ATP1A2: variants seen among roughly 807,000 people sequenced by gnomAD.
The protein encoded by ATP1A2 is sodium/potassium-transporting ATPase subunit alpha-2.
ATP1A2 carries 56 observed loss-of-function variants against 113.1 expected under a neutral mutation model. The ratio of observed to expected loss-of-function variants is 0.49; its 90% CI spans 0.40 to 0.62. The LOEUF (loss-of-function observed/expected upper bound fraction) is 0.62, where lower values mean the gene tolerates loss of function less well. Among genes scored for constraint, ATP1A2 ranks in the 20% least tolerant of loss-of-function variants. ATP1A2 has a pLI of 0.00. For missense variants in ATP1A2, 712 were observed against 1,357.8 expected (o/e 0.52, Z 7.47); for synonymous variants, 490 against 526.8 (o/e 0.93, Z 0.96).
At chr1:160,120,464 G>C (rs556334743) in intron 1 of ATP1A2, among the ~76,000 whole-genome samples, 1 of 152,186 alleles carries the variant, frequency 6.6e-6, no homozygotes, top group East Asian at 1.9e-4. Context: ...AATTGCCATG[G>C]TGTTGGGCTA....
chr1:160,124,205 T>A (rs1651509552), intron 5 of ATP1A2, 91 bp from the exon 6 acceptor site: 1 of 1,554,192 alleles, frequency 6.4e-7, no homozygotes, highest in African/African-American at 1.4e-5. Context: ...TTATGGGGCT[T>A]CTCCTTCTGC....
chr1:160,139,969 C>T lies in ATP1A2; in HGVS notation c.3019C>T (p.Arg1007Trp), dbSNP rs746795369. 5.0e-6 allele frequency: 8 copies of T among 1,613,938 alleles called. No homozygotes were observed. The highest frequency in any genetic ancestry group is 6.8e-6 in the Non-Finnish European group (8 of 1,180,018). ...TGATGAGGTCCGAAAGCTCATCCTG[C>T]GGCGGTATCCTGGTGGTAAGCCCCT... ...IYDEVRKLILRRYPGGWVEKE... is the reference protein window; with the variant it reads ...IYDEVRKLILWRYPGGWVEKE... Residue 1007 changes from arginine (R) to tryptophan (W), a missense_variant, in exon 22 of 23, where the codon CGG becomes TGG. Around this residue, in one of 6 missense-constraint regions of ATP1A2, gnomAD observed 188 missense variants for 438.9 expected, o/e 0.43. Coordinates refer to ENST00000361216, the MANE Select transcript of ATP1A2 (RefSeq NM_000702.4).
In ATP1A2 at chr1:160,128,686, G is replaced by A. The variant is rs754655141; in HGVS notation, c.1052G>A (p.Arg351Gln). The change falls in exon 9 of 23, where the codon CGG becomes CAG. Residue 351 changes from arginine to glutamine, a missense_variant. Transcript: ENST00000361216. ...ACCCTGACAGCCAAGCGCATGGCAC[G>A]GAAGAACTGCCTGGTGAAGAACCTG... ...CLTLTAKRMA[R>Q]KNCLVKNLEA... 14 of 1,614,152 alleles carry A rather than the reference G, an allele frequency of 8.7e-6. No homozygotes were observed. The highest frequency in any genetic ancestry group is 1.2e-5 in the Non-Finnish European group (14 of 1,180,038).
intron 4 of ATP1A2, 22 bp downstream of exon 4, chr1:160,123,438 G>T (rs142074203): frequency 1.2e-6 from 2 of 1,613,948 alleles, no homozygotes; most frequent in South Asian, 2.2e-5. Flanking sequence ...CGCCCGACCC[G>T]GGAACAGCCC....
intron 10 of ATP1A2, 47 bp from the exon 11 acceptor site, chr1:160,129,219 C>G: frequency 1.2e-6 from 2 of 1,613,928 alleles, no homozygotes; most frequent in Non-Finnish European, 1.7e-6. Flanking sequence ...TGATCCTCCA[C>G]TCCCTTCCCT....
intron 14 of ATP1A2, among the ~76,000 whole-genome samples, chr1:160,134,861 A>G (rs908725594): frequency 1.1e-4 from 17 of 152,228 alleles, no homozygotes; most frequent in African/African-American, 3.9e-4. Flanking sequence ...CCACAAAATT[A>G]GGATGCCATC....
Position 160,135,638 on chromosome 1 carries a change from A to C in ATP1A2, c.2284+36A>C. The C allele has an allele frequency of 4.3e-6, 7 of 1,612,688 alleles. No individual in the cohort carries two copies. Among genetic ancestry groups the C allele is most frequent in the Non-Finnish European group, 5.9e-6 (7 of 1,179,986 alleles). On this transcript the variant is annotated intron_variant, in intron 16 of 22. Transcript: ENST00000361216. This position sits in a 1 kb window ranked among gnomAD's most constrained non-coding sequence, Gnocchi z 6.3. ...TGCATGGGTTGGGATGGTTTGCAGG[A>C]TACTGAAGCCGGCACCTCTGTTCCC...
chr1:160,129,848 G>C (rs1426850968), intron 11 of ATP1A2, among the ~76,000 whole-genome samples: 1 of 152,148 alleles, frequency 6.6e-6, no homozygotes, highest in East Asian at 1.9e-4. Flanking sequence ...TCAGCCCCTA[G>C]CACAGTGCCT....
intron 1 of ATP1A2, 89 bp downstream of exon 1, chr1:160,115,962 G>A (rs1339910752): frequency 1.3e-6 from 2 of 1,542,948 alleles, no homozygotes; most frequent in African/African-American, 2.7e-5. Flanking sequence ...TGTGGAAGGA[G>A]CGGGAGAGAG....
rs1652090221 is a variant in ATP1A2, at chr1:160,140,149, T to C, written c.3034+165T>C. On this transcript the variant is annotated intron_variant, in intron 22 of 22. Transcript: ENST00000361216. ...CCAGGAGCCCTGACTCTTTCGAACC[T>C]GTTGTCTCTGCCCTCTTCCCATCAG... 7.2e-6 allele frequency: 5 copies of C among 698,458 alleles called. No homozygotes were observed. The South Asian group carries it at 8.1e-5, about 11-fold the overall frequency. 43.3% of individuals were successfully genotyped at this position (698,458 alleles called of 1,614,324 possible).
At chr1:160,120,874 C>G (rs764915731) in intron 1 of ATP1A2, 32 bp from the exon 2 acceptor site, 1 of 1,516,994 alleles carries the variant, frequency 6.6e-7, no homozygotes, top group Non-Finnish European at 8.8e-7. Flanking sequence ...CCCTCTCTTC[C>G]CTGACTCTCT....
intron 7 of ATP1A2, among the ~76,000 whole-genome samples, chr1:160,127,119 G>T (rs1033853543): frequency 2.6e-5 from 4 of 152,170 alleles, no homozygotes; most frequent in Non-Finnish European, 5.9e-5. Flanking sequence ...CAATTGCCTG[G>T]CTTCCTCTAT....
At chr1:160,115,975 G>A in intron 1 of ATP1A2, 102 bp downstream of exon 1, 1 of 1,513,874 alleles carries the variant, frequency 6.6e-7, no homozygotes, top group Non-Finnish European at 9.0e-7. Context: ...GGAGAGAGGA[G>A]CTGAGTGGGA....
rs1652210475 is a variant in ATP1A2, at chr1:160,143,298, AC to A, written c.*1977del. ...ATTAATTGGAGATTACTAACTGTGG[AC>A]AAAAGTTTATCTTTGCACAATCAAT... On this transcript the variant is annotated 3_prime_UTR_variant, in exon 23 of 23. Transcript: ENST00000361216. 5 of 152,582 alleles carry A rather than the reference AC, an allele frequency of 3.3e-5. No individual in the cohort carries two copies. In the South Asian group the frequency reaches 1.0e-3, roughly 32 times the overall value. 9.5% of individuals were successfully genotyped at this position (152,582 alleles called of 1,614,324 possible). A position where few individuals can be genotyped will look rare whatever the true frequency, so the allele number is the denominator to read the frequency against.
At chr1:160,138,594 C>G (rs1210442832) in intron 20 of ATP1A2, among the ~76,000 whole-genome samples, 1 of 152,260 alleles carries the variant, frequency 6.6e-6, no homozygotes, top group East Asian at 1.9e-4. Context: ...GTAATCCCAG[C>G]ACTTTGGGAG....
intron 7 of ATP1A2, 21 bp downstream of exon 7, chr1:160,125,274 C>T: frequency 6.3e-7 from 1 of 1,594,094 alleles, no homozygotes; most frequent in Non-Finnish European, 8.6e-7. Context: ...AGGCTGCCCC[C>T]TGTAGGAAAG....
rs1345831901 is a variant in ATP1A2, at chr1:160,120,900, C to A, written c.13-6C>A. On this transcript the variant is annotated splice_polypyrimidine_tract_variant and splice_region_variant and intron_variant, in intron 1 of 22. Transcript: ENST00000361216. ...CTGACTCTCTGGCTCTCCCTTCCTC[C>A]CTCAGGCTGGCCGTGAGTACTCACC... 1.3e-6 allele frequency: 2 copies of A among 1,579,292 alleles called. No individual in the cohort carries two copies. Among genetic ancestry groups the A allele is most frequent in the Admixed American group, 1.8e-5 (1 of 54,120 alleles).
intron 1 of ATP1A2, among the ~76,000 whole-genome samples, chr1:160,120,550 C>T (rs1651359587): frequency 6.6e-6 from 1 of 152,148 alleles, no homozygotes; most frequent in Non-Finnish European, 1.5e-5. Context: ...CAGAATTTTC[C>T]CAAATAGTGT....
At chr1:160,120,868 C>T in intron 1 of ATP1A2, 38 bp from the exon 2 acceptor site, 1 of 1,539,074 alleles carries the variant, frequency 6.5e-7, no homozygotes, top group Non-Finnish European at 8.8e-7. Context: ...CCCAGCCCCT[C>T]TCTTCCCTGA....
Sources: gnomAD v4.1 joint callset for allele counts (sites outside exome capture counted in the v4.1 genomes callset) on GRCh38, gnomAD v4.1.1 for gene constraint, gnomAD v4.1.1 regional missense constraint, Gnocchi (gnomAD v3.1) non-coding constraint, MANE v1.5 for transcripts, NCBI Gene and HGNC (gene_info 2026-07-23, HGNC 2026-07-21) for gene names.